VIPR2: variants seen among roughly 807,000 people sequenced by gnomAD.
VIPR2 encodes the protein vasoactive intestinal peptide receptor 2.
VIPR2 carries 48 observed loss-of-function variants against 58.0 expected under a neutral mutation model. That is an observed-to-expected ratio of 0.83 (90% confidence interval 0.66 to 1.05). The LOEUF (loss-of-function observed/expected upper bound fraction) is 1.05. Ranked by LOEUF, VIPR2 falls within the 50% of genes least tolerant of loss-of-function variation. The pLI is 0.00. For synonymous variants in VIPR2, 243 were observed against 235.2 expected (o/e 1.03, Z -0.30); for missense variants, 534 against 558.0 (o/e 0.96, Z 0.43).
intron 2 of VIPR2, among the ~76,000 whole-genome samples, chr7:159,139,996 T>G (rs578219422): frequency 2.0e-5 from 3 of 152,262 alleles, no homozygotes; most frequent in Non-Finnish European, 2.9e-5. Context: ...CAGCTCCAAA[T>G]AACTCCTAAG....
intron 4 of VIPR2, among the ~76,000 whole-genome samples, chr7:159,100,309 T>C (rs938402175): frequency 6.6e-6 from 1 of 152,120 alleles, no homozygotes; most frequent in African/African-American, 2.4e-5. Flanking sequence ...CAAGCCTAAC[T>C]AAAGTAACAC....
At chr7:159,087,602 T>C (rs1420904613) in intron 4 of VIPR2, among the ~76,000 whole-genome samples, 6 of 109,276 alleles carry the variant, frequency 5.5e-5, no homozygotes, top group Non-Finnish European at 7.6e-5. Flanking sequence ...TCTGCCAGGA[T>C]TCTGATAGTG....
In VIPR2 at chr7:159,100,872, T is replaced by C. The variant is rs1381269678; in HGVS notation, c.357+2885A>G. Among the ~76,000 whole-genome samples, 281 of 130,420 alleles carry C rather than the reference T, an allele frequency of 2.2e-3. 3 individuals are homozygous for C. The highest frequency in any genetic ancestry group is 7.6e-3 in the African/African-American group (254 of 33,344). The allele number at this position is 130,420 out of a possible 152,430, so 85.6% of individuals were successfully genotyped here. On this transcript the variant is annotated intron_variant, in intron 4 of 12. Transcript: ENST00000262178. Reference sequence around the variant, plus strand: ...CCCCGACTGTTCCTGTGATAGTGAATGGGTCTCACGAGATCCGACAAGGCC... The same window carrying C: ...CCCCGACTGTTCCTGTGATAGTGAACGGGTCTCACGAGATCCGACAAGGCC...
Position 159,144,750 on chromosome 7 carries a change from C to CCTTCT in VIPR2, c.21_22insAGAAG (p.Ala8ArgfsTer5), listed in dbSNP as rs1797622597. 1 of 1,292,328 alleles carries CCTTCT rather than the reference C, an allele frequency of 7.7e-7. No homozygotes were observed. The highest frequency in any genetic ancestry group is 9.8e-7 in the Non-Finnish European group (1 of 1,022,088). The allele number at this position is 1,292,328 out of a possible 1,614,324, so 80.1% of individuals were successfully genotyped here. ...GCGAGCAGCCAGCAGGTCAGCAGCG[C>CCTTCT]GGGAGGCAGCAGCGTCCGCATCCCG... On this transcript the variant is annotated frameshift_variant, in exon 1 of 13. Transcript: ENST00000262178. LOFTEE classifies it high-confidence loss of function.
intron 4 of VIPR2, among the ~76,000 whole-genome samples, chr7:159,074,733 A>T (rs1453752454): frequency 6.6e-6 from 1 of 152,218 alleles, no homozygotes; most frequent in Non-Finnish European, 1.5e-5. Flanking sequence ...CATGCCTGTA[A>T]TCCCAACACT....
chr7:159,035,504 G>A lies in VIPR2; in HGVS notation c.809+448C>T, dbSNP rs576053683. ...CACGCGTGCTCATGTCTGGGCCGTG[G>A]TCTCGCTCAGGGAGAGCATAGTGGA... On this transcript the variant is annotated intron_variant, in intron 8 of 12. Coordinates refer to ENST00000262178, the MANE Select transcript of VIPR2 (RefSeq NM_003382.5). 2.6e-5 allele frequency among the ~76,000 whole-genome samples: 4 copies of A among 152,250 alleles called. No homozygotes were observed. The East Asian group carries it at 5.8e-4, about 22-fold the overall frequency.
chr7:159,031,427 C>T lies in VIPR2; in HGVS notation c.1143+401G>A, dbSNP rs1239463347. Reference sequence around the variant, plus strand: ...GGCAGAGCTCGGCTCCGGGCTTCCTCCCCAGGGACTCACAGGACGCTGTGC... The same window carrying T: ...GGCAGAGCTCGGCTCCGGGCTTCCTTCCCAGGGACTCACAGGACGCTGTGC... On this transcript the variant is annotated intron_variant, in intron 12 of 12. Transcript: ENST00000262178. The surrounding 1 kb of genome is among the most constrained non-coding windows in gnomAD (Gnocchi z 4.0). The T allele has an allele frequency of 8.1e-6, 8 of 984,912 alleles. No homozygotes were observed. Among genetic ancestry groups the T allele is most frequent in the Middle Eastern group, 1.0e-3 (2 of 1,936 alleles). The allele number at this position is 984,912 out of a possible 1,614,324, so 61.0% of individuals were successfully genotyped here. A position where few individuals can be genotyped will look rare whatever the true frequency, so the allele number is the denominator to read the frequency against.
At chr7:159,050,354 CAA>C (rs11302236) in intron 5 of VIPR2, among the ~76,000 whole-genome samples, 25 of 139,166 alleles carry the variant, frequency 1.8e-4, no homozygotes, top group South Asian at 1.6e-3. Flanking sequence ...CACAAAAAAA[CAA>C]AAAAAAAAAC....
rs869158676 is a variant in VIPR2, at chr7:159,030,342, C to CAAA, written c.*271_*273dup. ...TGGGCGACAGAGCGAGACTCCGTCT[C>CAAA]AAAAAAAAAAAAAAAAAAAAAAGTG... On this transcript the variant is annotated 3_prime_UTR_variant, in exon 13 of 13. Transcript: ENST00000262178. The CAAA allele has an allele frequency of 1.7e-3, 333 of 200,376 alleles. 2 individuals carry two copies. Among genetic ancestry groups the CAAA allele is most frequent in the African/African-American group, 4.2e-3 (98 of 23,336 alleles). The allele number at this position is 200,376 out of a possible 1,614,324, so 12.4% of individuals were successfully genotyped here. A position where few individuals can be genotyped will look rare whatever the true frequency, so the allele number is the denominator to read the frequency against.
chr7:159,059,887 T>TCAC (rs1454399777), intron 4 of VIPR2, among the ~76,000 whole-genome samples: 1 of 146,190 alleles, frequency 6.8e-6, no homozygotes, highest in Non-Finnish European at 1.5e-5. Flanking sequence ...ACCATGACCC[T>TCAC]CACCTCATCT....
chr7:159,111,466 G>A (rs1310151285), intron 2 of VIPR2, among the ~76,000 whole-genome samples: 1 of 152,068 alleles, frequency 6.6e-6, no homozygotes, highest in African/African-American at 2.4e-5. Flanking sequence ...GATCATTTGA[G>A]GTCAGGAGTG....
At chr7:159,038,071 T>G (rs888978853) in intron 6 of VIPR2, among the ~76,000 whole-genome samples, 1 of 152,156 alleles carries the variant, frequency 6.6e-6, no homozygotes, top group Admixed American at 6.5e-5. Context: ...TGGGTATACT[T>G]ATATATATGG....
At chr7:159,140,811 A>G (rs936411227) in intron 2 of VIPR2, among the ~76,000 whole-genome samples, 19 of 152,344 alleles carry the variant, frequency 1.2e-4, no homozygotes, top group African/African-American at 4.6e-4. Context: ...GCCCCTGTGA[A>G]TAGTGTAAAT....
intron 4 of VIPR2, 71 bp downstream of exon 4, chr7:159,103,686 G>T: frequency 8.7e-7 from 1 of 1,149,288 alleles, no homozygotes; most frequent in Non-Finnish European, 1.3e-6. Context: ...ATTCTTGCAG[G>T]GCAGGAGGGG....
At position 159,093,739 on chromosome 7, in the gene VIPR2, G is replaced by A. The variant is rs1203538320; in HGVS notation, c.357+10018C>T. Among the ~76,000 whole-genome samples the A allele has an allele frequency of 6.7e-6, 1 of 149,250 alleles. No homozygotes were observed. Among genetic ancestry groups the A allele is most frequent in the Non-Finnish European group, 1.5e-5 (1 of 67,302 alleles). ...CCTGGGTCCGGACATGGGAGACCCC[G>A]CAGCGTCCCTGGGTCCGGAGATGGG... On this transcript the variant is annotated intron_variant, in intron 4 of 12. Transcript: ENST00000262178. The surrounding 1 kb of genome is among the most constrained non-coding windows in gnomAD (Gnocchi z 6.7).
Position 159,034,305 on chromosome 7 carries a change from C to T in VIPR2, c.880-1G>A. The T allele has an allele frequency of 6.2e-7, 1 of 1,613,544 alleles. No individual in the cohort carries two copies. Among genetic ancestry groups the T allele is most frequent in the Non-Finnish European group, 8.5e-7 (1 of 1,179,698 alleles). On this transcript the variant is annotated splice_acceptor_variant, in intron 9 of 12. Coordinates refer to ENST00000262178, the MANE Select transcript of VIPR2 (RefSeq NM_003382.5). LOFTEE classifies it high-confidence loss of function. Reference sequence around the variant, plus strand: ...TACTAATGAAAAGGACAAAATTGACCTGCACAAGAGATAATAAGTTTGTGA... The same window carrying T: ...TACTAATGAAAAGGACAAAATTGACTTGCACAAGAGATAATAAGTTTGTGA...
At chr7:159,115,983 G>A (rs1212102650) in intron 2 of VIPR2, among the ~76,000 whole-genome samples, 3 of 152,220 alleles carry the variant, frequency 2.0e-5, no homozygotes, top group African/African-American at 7.2e-5. Flanking sequence ...GAACAGCAAG[G>A]TCTCCCAGGG....
At chr7:159,086,168 T>C (rs553443771) in intron 4 of VIPR2, among the ~76,000 whole-genome samples, 3 of 152,354 alleles carry the variant, frequency 2.0e-5, no homozygotes, top group African/African-American at 7.2e-5. Context: ...CTCTAAAAAG[T>C]CGATTAACTT....
chr7:159,063,482 G>T (rs968418581), intron 4 of VIPR2, among the ~76,000 whole-genome samples: 5 of 151,946 alleles, frequency 3.3e-5, no homozygotes, highest in African/African-American at 1.2e-4. Flanking sequence ...CAAGGGCCGC[G>T]CACAGCCCCG....
Sources: gnomAD v4.1 joint callset for allele counts (sites outside exome capture counted in the v4.1 genomes callset) on GRCh38, gnomAD v4.1.1 for gene constraint, Gnocchi (gnomAD v3.1) non-coding constraint, MANE v1.5 for transcripts, NCBI Gene and HGNC (gene_info 2026-07-23, HGNC 2026-07-21) for gene names.